Variants in TDO2 observed in about 807,000 individuals in gnomAD.
The protein encoded by TDO2 is tryptophan 2,3-dioxygenase, also known as tryptamin 2,3-dioxygenase.
A neutral mutation model predicts 61.2 loss-of-function variants in TDO2; 63 were observed. The ratio of observed to expected loss-of-function variants is 1.03; its 90% confidence interval spans 0.84 to 1.27. The LOEUF is 1.27. Among genes scored for constraint, TDO2 ranks in the 50% most tolerant of loss-of-function variants. The probability of loss-of-function intolerance (pLI) is 0.00; values close to 1 mark genes in which losing one functional copy is unlikely to be tolerated. For missense variants in TDO2, 494 were observed against 469.5 expected (o/e 1.05, Z -0.48); for synonymous variants, 183 against 164.0 (o/e 1.12, Z -0.89).
chr4:155,912,594 T>C (rs1434311927), intron 7 of TDO2, among the ~76,000 whole-genome samples: 1 of 152,114 alleles, frequency 6.6e-6, no homozygotes. Flanking sequence ...CTCTTTTACT[T>C]GCTCTTATTT....
intron 9 of TDO2, among the ~76,000 whole-genome samples, chr4:155,916,139 A>G (rs993942447): frequency 6.6e-6 from 1 of 151,004 alleles, no homozygotes; most frequent in Admixed American, 6.6e-5. Flanking sequence ...AAGGGGTTAA[A>G]CACTACACAA....
chr4:155,914,663 GA>G (rs1742899438), intron 8 of TDO2, among the ~76,000 whole-genome samples: 1 of 152,202 alleles, frequency 6.6e-6, no homozygotes, highest in African/African-American at 2.4e-5. Context: ...GTCTCTGCCA[GA>G]TATACGGGAT....
intron 8 of TDO2, among the ~76,000 whole-genome samples, chr4:155,914,641 A>G (rs1742897631): frequency 1.3e-5 from 2 of 152,126 alleles, no homozygotes; most frequent in African/African-American, 4.8e-5. Context: ...AAACATTAGA[A>G]AAAAATTTAT....
intron 7 of TDO2, among the ~76,000 whole-genome samples, chr4:155,913,440 T>C (rs1460661043): frequency 6.6e-6 from 1 of 152,120 alleles, no homozygotes; most frequent in Non-Finnish European, 1.5e-5. Context: ...ACTCTGAAGA[T>C]CTTGGCTCGA....
In TDO2 at chr4:155,905,148, A is replaced by G. The variant is rs369378447; in HGVS notation, c.223A>G (p.Thr75Ala). The G allele has an allele frequency of 1.3e-6, 2 of 1,589,802 alleles. No individual in the cohort carries two copies. The highest frequency in any genetic ancestry group is 1.7e-6 in the Non-Finnish European group (2 of 1,168,818). ...KIHDEHLFII[T>A]HQAYELWFKQ... ...CCATGATGAACATCTTTTTATCATA[A>G]CTCATCAAGGTAAGTTGCACAAAGG... Residue 75 changes from threonine (T) to alanine (A), a missense_variant, in exon 3 of 12, where the codon ACT becomes GCT. Thr to Ala is a moderately conservative substitution (Grantham distance 58). Transcript: ENST00000536354.
intron 8 of TDO2, among the ~76,000 whole-genome samples, chr4:155,915,544 C>A (rs753930183): frequency 2.4e-4 from 37 of 152,262 alleles, no homozygotes; most frequent in Non-Finnish European, 4.4e-4. Context: ...TATTCTTTTA[C>A]TCGGAAAATG....
intron 8 of TDO2, 136 bp from the exon 9 acceptor site, chr4:155,915,718 AT>A: frequency 1.7e-6 from 1 of 583,564 alleles, no homozygotes; most frequent in South Asian, 2.9e-5. Flanking sequence ...AACCTAAGGG[AT>A]AAAAAATGTA....
Position 155,906,161 on chromosome 4 carries a change from T to G in TDO2, c.232+1004T>G, listed in dbSNP as rs142792579. On this transcript the variant is annotated intron_variant, in intron 3 of 11. Coordinates refer to ENST00000536354, the MANE Select transcript of TDO2 (RefSeq NM_005651.4). ...TACGTAAAATGGAGAGAATTACTGA[T>G]GCTCTCACTTACAGAGTTCCTAGGA... The G allele has an allele frequency of 2.6e-3, 401 of 152,276 alleles. 1 individual carries two copies. The highest frequency in any genetic ancestry group is 9.3e-3 in the African/African-American group (385 of 41,552). 9.4% of individuals were successfully genotyped at this position (152,276 alleles called of 1,614,324 possible).
intron 7 of TDO2, among the ~76,000 whole-genome samples, chr4:155,912,681 C>T (rs1196790346): frequency 6.6e-6 from 1 of 152,042 alleles, no homozygotes; most frequent in Non-Finnish European, 1.5e-5. Flanking sequence ...TATACTCTTT[C>T]ATTAGATGGT....
chr4:155,916,571 A>G (rs1038251284), intron 9 of TDO2, among the ~76,000 whole-genome samples: 7 of 152,140 alleles, frequency 4.6e-5, no homozygotes, highest in Non-Finnish European at 8.8e-5. Flanking sequence ...TAAGAAAATA[A>G]AAAATGCATG....
chr4:155,907,092 A>G (rs1295607220), intron 3 of TDO2: 1 of 152,190 alleles, frequency 6.6e-6, no homozygotes, highest in Non-Finnish European at 1.5e-5. Flanking sequence ...CTGAAAGATG[A>G]TCTACTGGAT....
chr4:155,906,424 CTT>C (rs1742719940), intron 3 of TDO2: 1 of 152,096 alleles, frequency 6.6e-6, no homozygotes, highest in Non-Finnish European at 1.5e-5. Context: ...TTAAACATAA[CTT>C]AGAGTTATAA....
At chr4:155,918,310 C>T (rs2292537) in intron 11 of TDO2, 71 bp downstream of exon 11, 1,319,917 of 1,457,870 alleles carry the variant, frequency 0.91, 599,094 homozygotes, top group East Asian at 0.97. Context: ...TATACATTTG[C>T]TATCTAAAAA....
intron 3 of TDO2, 51 bp from the exon 4 acceptor site, chr4:155,907,671 G>T: frequency 1.6e-6 from 2 of 1,214,028 alleles, no homozygotes; most frequent in Non-Finnish European, 2.4e-6. Context: ...TATAATAATG[G>T]CCAAAAAGGC....
chr4:155,912,449 A>G (rs920373542), intron 7 of TDO2, among the ~76,000 whole-genome samples: 4 of 152,124 alleles, frequency 2.6e-5, no homozygotes, highest in Non-Finnish European at 4.4e-5. Flanking sequence ...GCCATTTTTA[A>G]TCTTAACTTA....
chr4:155,911,826 G>A (rs571953565), intron 7 of TDO2, among the ~76,000 whole-genome samples: 11 of 152,122 alleles, frequency 7.2e-5, no homozygotes, highest in Admixed American at 5.2e-4. Context: ...TTTTGTCTAT[G>A]ATAACTAGCT....
At chr4:155,908,439 G>A (rs1453211502) in intron 4 of TDO2, among the ~76,000 whole-genome samples, 1 of 52,188 alleles carries the variant, frequency 1.9e-5, no homozygotes, top group African/African-American at 3.4e-5. Context: ...GAGCACATGG[G>A]ACCCATACAG....
rs765708510 is a variant in TDO2 at position 155,904,011 on chromosome 4, T to G, written c.36-7T>G. The G allele has an allele frequency of 1.2e-6, 2 of 1,611,514 alleles. No individual in the cohort carries two copies. The highest frequency in any genetic ancestry group is 3.3e-5 in the Admixed American group (2 of 59,894). ...TATTTTTCCCTCTTGATTTATTAAATTTGCAGATATACTTTTAAAAAACTC... is the reference window on the plus strand; with the variant it reads ...TATTTTTCCCTCTTGATTTATTAAAGTTGCAGATATACTTTTAAAAAACTC... On this transcript the variant is annotated splice_region_variant and splice_polypyrimidine_tract_variant and intron_variant, in intron 1 of 11. Coordinates refer to ENST00000536354, the MANE Select transcript of TDO2 (RefSeq NM_005651.4).
At chr4:155,911,461 A>G in intron 6 of TDO2, 36 bp from the exon 7 acceptor site, 2 of 1,524,468 alleles carry the variant, frequency 1.3e-6, no homozygotes, top group Non-Finnish European at 1.8e-6. Context: ...ACATAATTTT[A>G]CCATGTACTC....
Sources: allele counts gnomAD v4.1 joint callset (sites outside exome capture counted in the v4.1 genomes callset), GRCh38; gene constraint gnomAD v4.1.1; transcripts MANE v1.5; gene names NCBI Gene and HGNC (gene_info 2026-07-23, HGNC 2026-07-21).